RHOQ: variants seen among roughly 807,000 people sequenced by gnomAD.
RHOQ encodes the protein rho-related GTP-binding protein RhoQ.
A neutral mutation model predicts 25.8 loss-of-function variants in RHOQ; 7 were observed. The observed-to-expected ratio is 0.27, with a 90% confidence interval of 0.15 to 0.51. The LOEUF (loss-of-function observed/expected upper bound fraction) is 0.51, where lower values mean the gene tolerates loss of function less well. RHOQ is among the 20% of genes least tolerant of loss of function. The pLI, the probability that RHOQ is intolerant of heterozygous loss-of-function variation, is 0.97. For synonymous variants in RHOQ, 97 were observed against 98.6 expected, an observed-to-expected ratio of 0.98 and a Z score of 0.10; for missense variants, 165 against 260.6, an observed-to-expected ratio of 0.63 and a Z score of 2.53.
intron 2 of RHOQ, 101 bp from the exon 3 acceptor site, chr2:46,575,986 G>A (rs1178884003): frequency 2.5e-5 from 22 of 896,228 alleles, no homozygotes; most frequent in African/African-American, 5.2e-5. Flanking sequence ...CACTAGTGGA[G>A]TACTCCTGAA....
At chr2:46,543,439 G>A in intron 1 of RHOQ, 1 of 601,846 alleles carries the variant, frequency 1.7e-6, no homozygotes, top group South Asian at 2.0e-5. Context: ...CGGCGCCCTG[G>A]GCCGTCCTCC....
chr2:46,565,259 G>T (rs574458992), intron 2 of RHOQ, among the ~76,000 whole-genome samples: 2 of 152,288 alleles, frequency 1.3e-5, no homozygotes, highest in East Asian at 3.9e-4. Flanking sequence ...TGGGGCCAGG[G>T]TCCCCAGGGG....
At chr2:46,546,176 T>C (rs1455414879) in intron 2 of RHOQ, among the ~76,000 whole-genome samples, 1 of 151,842 alleles carries the variant, frequency 6.6e-6, no homozygotes, top group African/African-American at 2.4e-5. Flanking sequence ...TATGTCCAGG[T>C]ACTTTTGCAC....
Position 46,569,714 on chromosome 2 carries a change from A to G in RHOQ, c.202-6373A>G, listed in dbSNP as rs547747625. ...ATAAATCAAAACATATGAAGATGAC[A>G]GTAGCTAAAAGTAAGAAGCTAAACC... On this transcript the variant is annotated intron_variant, in intron 2 of 4. Coordinates refer to ENST00000238738, the MANE Select transcript of RHOQ (RefSeq NM_012249.4). The surrounding 1 kb of genome is among the most constrained non-coding windows in gnomAD (Gnocchi z 4.1). 16 of 152,356 alleles carry G rather than the reference A, an allele frequency of 1.1e-4. No homozygotes were observed. The highest frequency in any genetic ancestry group is 3.8e-4 in the African/African-American group (16 of 41,588). The allele number at this position is 152,356 out of a possible 1,614,324, so 9.4% of individuals were successfully genotyped here.
rs547719693 is a variant in RHOQ, at chr2:46,563,019, C to A, written c.202-13068C>A. On this transcript the variant is annotated intron_variant, in intron 2 of 4. Coordinates refer to ENST00000238738, the MANE Select transcript of RHOQ (RefSeq NM_012249.4). Reference sequence around the variant, plus strand: ...GTGCCTTTCATACCTTAGCTCATTTCTTTTCCCAGTGTTTAAGAGGAGGCT... The same window carrying A: ...GTGCCTTTCATACCTTAGCTCATTTATTTTCCCAGTGTTTAAGAGGAGGCT... Among the ~76,000 whole-genome samples, 11 of 152,280 alleles carry A rather than the reference C, an allele frequency of 7.2e-5. No homozygotes were observed. The South Asian group carries it at 2.3e-3, about 32-fold the overall frequency.
rs993260150 is a variant in RHOQ at position 46,566,037 on chromosome 2, G to C, written c.202-10050G>C. Among the ~76,000 whole-genome samples, 6 of 152,172 alleles carry C rather than the reference G, an allele frequency of 3.9e-5. No homozygotes were observed. The East Asian group carries it at 5.8e-4, about 15-fold the overall frequency. On this transcript the variant is annotated intron_variant, in intron 2 of 4. Coordinates refer to ENST00000238738, the MANE Select transcript of RHOQ (RefSeq NM_012249.4). This position sits in a 1 kb window ranked among gnomAD's most constrained non-coding sequence, Gnocchi z 4.2. ...TCCCAGGTGAAGAAATACGGAGAGA[G>C]AGAAGAAACAGGGAAACTCACTGGG...
At chr2:46,558,624 C>T (rs1371091830) in intron 2 of RHOQ, among the ~76,000 whole-genome samples, 1 of 152,088 alleles carries the variant, frequency 6.6e-6, no homozygotes, top group Non-Finnish European at 1.5e-5. Flanking sequence ...TGGGGTAGGG[C>T]CTGGCTGGGT....
rs578093817 is a variant in RHOQ, at chr2:46,550,187, A to C, written c.201+6375A>C. Among the ~76,000 whole-genome samples the C allele has an allele frequency of 3.9e-5, 6 of 152,032 alleles. No individual in the cohort carries two copies. The South Asian group carries it at 6.2e-4, about 16-fold the overall frequency. ...ATTCAAAGCTGCAGTGAGCTATAAT[A>C]CAAGGCTTCATTGCACTCCAGCCTA... On this transcript the variant is annotated intron_variant, in intron 2 of 4. Coordinates refer to ENST00000238738, the MANE Select transcript of RHOQ (RefSeq NM_012249.4).
intron 2 of RHOQ, among the ~76,000 whole-genome samples, chr2:46,574,849 C>G (rs758614066): frequency 6.6e-6 from 1 of 152,122 alleles, no homozygotes; most frequent in African/African-American, 2.4e-5. Flanking sequence ...TGCTGAAACT[C>G]CAAGTGGAAG....
In RHOQ at chr2:46,584,555, C is replaced by A. The variant is rs1424127484; in HGVS notation, c.*3472C>A. 6.6e-6 allele frequency among the ~76,000 whole-genome samples: 1 copy of A among 152,056 alleles called. No homozygotes were observed. The highest frequency in any genetic ancestry group is 1.5e-5 in the Non-Finnish European group (1 of 67,972). The stretch of plus-strand genomic sequence containing the variant: ...GCCACACCTCACCTCCAACAGAATG[C>A]CAAAAATGAAATGTTAAAAAATTTT... On this transcript the variant is annotated 3_prime_UTR_variant, in exon 5 of 5. Coordinates refer to ENST00000238738, the MANE Select transcript of RHOQ (RefSeq NM_012249.4).
Position 46,576,517 on chromosome 2 carries a change from A to C in RHOQ, c.367-44A>C, listed in dbSNP as rs749708433. On this transcript the variant is annotated intron_variant, in intron 3 of 4. Transcript: ENST00000238738. The surrounding 1 kb of genome is among the most constrained non-coding windows in gnomAD (Gnocchi z 5.1). ...GATTACATGCTTTGATTTTTCTTTA[A>C]AGATTTGTAATATTATGGGACATTA... 8.1e-7 allele frequency: 1 copy of C among 1,228,892 alleles called. No homozygotes were observed. Among genetic ancestry groups the C allele is most frequent in the Non-Finnish European group, 1.2e-6 (1 of 862,278 alleles). The allele number at this position is 1,228,892 out of a possible 1,614,324, so 76.1% of individuals were successfully genotyped here. A position where few individuals can be genotyped will look rare whatever the true frequency, so the allele number is the denominator to read the frequency against.
chr2:46,564,062 T>C (rs1244720859), intron 2 of RHOQ, among the ~76,000 whole-genome samples: 1 of 152,000 alleles, frequency 6.6e-6, no homozygotes, highest in Non-Finnish European at 1.5e-5. Context: ...CCTAGCACTT[T>C]GGGAGGCCAA....
chr2:46,562,318 G>A (rs556423875), intron 2 of RHOQ, among the ~76,000 whole-genome samples: 4 of 151,966 alleles, frequency 2.6e-5, no homozygotes, highest in South Asian at 2.1e-4. Context: ...CACCTGTCCC[G>A]TTGCTGACTC....
At chr2:46,546,370 G>A (rs1338773195) in intron 2 of RHOQ, among the ~76,000 whole-genome samples, 3 of 146,930 alleles carry the variant, frequency 2.0e-5, no homozygotes, top group African/African-American at 7.5e-5. Flanking sequence ...TAATAACAAT[G>A]ATAAATAAAC....
chr2:46,567,325 A>G (rs1444820508), intron 2 of RHOQ, among the ~76,000 whole-genome samples: 4 of 152,010 alleles, frequency 2.6e-5, no homozygotes, highest in East Asian at 1.9e-4. Flanking sequence ...ACTAACAGCA[A>G]TGTAGCCAGT....
rs534833303 is a variant in RHOQ, at chr2:46,573,286, A to ACTCCTGACCTCAAGAGTCCCACCTCGGC, written c.202-2796_202-2769dup. Among the ~76,000 whole-genome samples, 9 of 151,800 alleles carry ACTCCTGACCTCAAGAGTCCCACCTCGGC rather than the reference A, an allele frequency of 5.9e-5. No individual in the cohort carries two copies. The South Asian group carries it at 1.9e-3, about 32-fold the overall frequency. ...ACCACATTGGCCAGGCTGATCTTGG[A>ACTCCTGACCTCAAGAGTCCCACCTCGGC]CTCCTGACCTCAAGAGTCCCACCTC... On this transcript the variant is annotated intron_variant, in intron 2 of 4. Coordinates refer to ENST00000238738, the MANE Select transcript of RHOQ (RefSeq NM_012249.4).
rs1241080716 is a variant in RHOQ at position 46,555,225 on chromosome 2, C to T, written c.201+11413C>T. Among the ~76,000 whole-genome samples, 1 of 152,224 alleles carries T rather than the reference C, an allele frequency of 6.6e-6. No individual in the cohort carries two copies. Among genetic ancestry groups the T allele is most frequent in the African/African-American group, 2.4e-5 (1 of 41,460 alleles). On this transcript the variant is annotated intron_variant, in intron 2 of 4. Transcript: ENST00000238738. The surrounding 1 kb of genome is among the most constrained non-coding windows in gnomAD (Gnocchi z 4.3). The stretch of plus-strand genomic sequence containing the variant: ...CCTCTGACTCCGGCCCTCTAGTGGT[C>T]GAGTCCCTCCTTAGAATTTCCACTA...
chr2:46,543,841 C>G, intron 2 of RHOQ, 29 bp downstream of exon 2: 1 of 1,600,898 alleles, frequency 6.2e-7, no homozygotes, highest in Middle Eastern at 1.7e-4. Context: ...GGCCGACGCC[C>G]CCCTCCTGTT....
intron 1 of RHOQ, 195 bp from the exon 2 acceptor site, chr2:46,543,557 TGG>T (rs1382496596): frequency 1.6e-6 from 1 of 618,416 alleles, no homozygotes; most frequent in Non-Finnish European, 2.9e-6. Context: ...GGTGGACGGC[TGG>T]GGACCACATC....
Sources: gnomAD v4.1 joint callset for allele counts (sites outside exome capture counted in the v4.1 genomes callset) on GRCh38, gnomAD v4.1.1 for gene constraint, Gnocchi (gnomAD v3.1) non-coding constraint, MANE v1.5 for transcripts, NCBI Gene and HGNC (gene_info 2026-07-23, HGNC 2026-07-21) for gene names.